The following AP3B1 variants were observed in gnomAD, a reference collection of about 807,000 sequenced individuals.
The protein encoded by AP3B1 is AP-3 complex subunit beta-1.
Under a neutral mutation model 132.5 loss-of-function variants are expected in AP3B1, and 61 were observed. That is an observed-to-expected ratio of 0.46 (90% CI 0.37 to 0.57). The LOEUF is 0.57. Ranked by LOEUF, AP3B1 falls within the 20% of genes least tolerant of loss-of-function variation. The probability of loss-of-function intolerance (pLI) is 0.00; values close to 1 mark genes in which losing one functional copy is unlikely to be tolerated. For synonymous variants in AP3B1, 388 were observed against 438.3 expected (o/e 0.89, Z 1.43); for missense variants, 1,120 against 1,289.4 (o/e 0.87, Z 2.01).
chr5:78,121,039 T>C (rs1344064950), intron 17 of AP3B1, among the ~76,000 whole-genome samples: 2 of 151,976 alleles, frequency 1.3e-5, no homozygotes, highest in African/African-American at 4.8e-5. Context: ...ATTAAGAAAC[T>C]CACTCAAAAC....
At chr5:78,133,755 A>G (rs1416417147) in intron 15 of AP3B1, among the ~76,000 whole-genome samples, 1 of 152,178 alleles carries the variant, frequency 6.6e-6, no homozygotes. Flanking sequence ...AATATTCAAT[A>G]TCATATATAC....
rs112620648 is a variant in AP3B1, at chr5:78,290,315, G to A, written c.128+4137C>T. Among the ~76,000 whole-genome samples the A allele has an allele frequency of 4.5e-3, 687 of 152,196 alleles. 3 individuals carry two copies. The highest frequency in any genetic ancestry group is 0.02 in the Middle Eastern group (6 of 294). ...TTGCCCAGGCTGGTCTGGAACTCCT[G>A]GGTTCAAGCAATCCTCCTGCCTGGG... On this transcript the variant is annotated intron_variant, in intron 1 of 26. Coordinates refer to ENST00000255194, the MANE Select transcript of AP3B1 (RefSeq NM_003664.5).
At chr5:78,032,777 A>T (rs1178815588) in intron 24 of AP3B1, among the ~76,000 whole-genome samples, 1 of 152,062 alleles carries the variant, frequency 6.6e-6, no homozygotes, top group East Asian at 1.9e-4. Context: ...AAACATACTA[A>T]TGTAAATGCT....
chr5:78,179,296 G>A (rs962440534), intron 8 of AP3B1, among the ~76,000 whole-genome samples: 2 of 152,102 alleles, frequency 1.3e-5, no homozygotes, highest in Non-Finnish European at 2.9e-5. Context: ...AATCCTACTG[G>A]CAAGAAAGCA....
chr5:78,100,801 C>A, intron 21 of AP3B1, 152 bp downstream of exon 21: 2 of 542,936 alleles, frequency 3.7e-6, no homozygotes, highest in African/African-American at 1.9e-5. Flanking sequence ...GAAACAAATA[C>A]CACTGATTTC....
intron 5 of AP3B1, 90 bp downstream of exon 5, chr5:78,227,282 C>A: frequency 7.8e-7 from 1 of 1,287,428 alleles, no homozygotes; most frequent in South Asian, 1.2e-5. Flanking sequence ...GAGCAGCCTA[C>A]CTAAAAGAGC....
chr5:78,122,539 T>C (rs935990299), intron 17 of AP3B1, among the ~76,000 whole-genome samples: 18 of 152,250 alleles, frequency 1.2e-4, no homozygotes, highest in African/African-American at 3.6e-4. Context: ...ACAAGCATTC[T>C]TATACACCAA....
At chr5:78,030,739 C>T (rs557487684) in intron 24 of AP3B1, among the ~76,000 whole-genome samples, 101 of 152,238 alleles carry the variant, frequency 6.6e-4, no homozygotes, top group Non-Finnish European at 1.1e-3. Flanking sequence ...TGTAGTGGTG[C>T]AATCATAGCT....
At chr5:78,014,536 T>A (rs1163389996) in intron 26 of AP3B1, among the ~76,000 whole-genome samples, 2 of 152,208 alleles carry the variant, frequency 1.3e-5, no homozygotes, top group East Asian at 3.8e-4. Context: ...ATATGGGGCC[T>A]CTCTTGCTCC....
chr5:78,089,127 G>T, intron 22 of AP3B1: 1 of 383,398 alleles, frequency 2.6e-6, no homozygotes, highest in South Asian at 2.4e-5. Context: ...ATGTGGTGAA[G>T]AACCTTTGTA....
intron 1 of AP3B1, among the ~76,000 whole-genome samples, chr5:78,270,501 G>A (rs183906441): frequency 3.3e-4 from 50 of 152,226 alleles, no homozygotes; most frequent in Admixed American, 2.6e-3. Flanking sequence ...AATATTCAAC[G>A]AAGGGAAGGC....
rs146624866 is a variant in AP3B1 at position 78,039,267 on chromosome 5, G to A, written c.2585C>T (p.Thr862Ile). 9.2e-4 allele frequency: 1,481 copies of A among 1,613,454 alleles called. 12 individuals are homozygous for A. The African/African-American group carries it at 0.016, about 17-fold the overall frequency. Reference sequence around the variant, plus strand: ...AGTTTTCGTTGGTACAAATGCAGGAGTACTGACCTATTACACACGGCAAAA... The same window carrying A: ...AGTTTTCGTTGGTACAAATGCAGGAATACTGACCTATTACACACGGCAAAA... ...STSSSVISVS[T>I]PAFVPTKTHV... The change falls in exon 23 of 27, where the codon ACT (threonine) becomes ATT (isoleucine). Residue 862 changes from threonine (T) to isoleucine (I), a missense_variant. Transcript: ENST00000255194.
intron 1 of AP3B1, among the ~76,000 whole-genome samples, chr5:78,285,792 T>A (rs1255556131): frequency 2.0e-5 from 3 of 152,172 alleles, no homozygotes; most frequent in African/African-American, 7.2e-5. Context: ...ACATATCACA[T>A]CCAAACTATC....
intron 1 of AP3B1, among the ~76,000 whole-genome samples, chr5:78,277,941 G>C (rs1748854109): frequency 6.6e-6 from 1 of 150,944 alleles, no homozygotes; most frequent in Non-Finnish European, 1.5e-5. Context: ...TATTTGCCAT[G>C]ATCTTTATCA....
intron 13 of AP3B1, among the ~76,000 whole-genome samples, chr5:78,159,166 T>C (rs947387873): frequency 3.7e-4 from 57 of 152,214 alleles, no homozygotes; most frequent in African/African-American, 1.3e-3. Flanking sequence ...AAAGAATGCA[T>C]AGTATAACAA....
rs1292281210 is a variant in AP3B1 at position 78,227,514 on chromosome 5, G to A, written c.394C>T (p.Arg132Cys). Residue 132 changes from arginine (R) to cysteine (C), a missense_variant, in exon 5 of 27, where the codon CGT becomes TGT. By Grantham distance (180) the Arg-to-Cys change is radical (BLOSUM62 -3). This residue lies in a region of AP3B1 where 129 missense variants were observed against 212.4 expected (regional missense o/e 0.61). Coordinates refer to ENST00000255194, the MANE Select transcript of AP3B1 (RefSeq NM_003664.5). Reference protein sequence around the residue: ...RALKDPNQLIRASALRVLSSI... With the variant: ...RALKDPNQLICASALRVLSSI... ...GACAGAACTCTCAAAGCGCTTGCAC[G>A]AATTAGTTGGTTTGGGTCCTAAAAA... is the stretch of plus-strand genomic sequence containing the variant. 5.0e-6 allele frequency: 8 copies of A among 1,613,606 alleles called. No individual in the cohort carries two copies. The highest frequency in any genetic ancestry group is 1.1e-5 in the South Asian group (1 of 91,038).
intron 17 of AP3B1, among the ~76,000 whole-genome samples, chr5:78,122,720 T>C (rs1054439867): frequency 6.6e-6 from 1 of 152,164 alleles, no homozygotes; most frequent in Non-Finnish European, 1.5e-5. Context: ...TGGAGGAACA[T>C]TCCATGCTCA....
intron 22 of AP3B1, among the ~76,000 whole-genome samples, chr5:78,071,634 G>A (rs1241434462): frequency 6.6e-6 from 1 of 152,128 alleles, no homozygotes; most frequent in African/African-American, 2.4e-5. Flanking sequence ...GTGTTAATGG[G>A]TTCTATACTG....
chr5:78,137,556 A>T (rs560238131), intron 15 of AP3B1, among the ~76,000 whole-genome samples: 1 of 152,286 alleles, frequency 6.6e-6, no homozygotes, highest in Admixed American at 6.5e-5. Flanking sequence ...CCTCAGGATA[A>T]AAGCCATAAA....
Sources: allele counts gnomAD v4.1 joint callset (sites outside exome capture counted in the v4.1 genomes callset), GRCh38; gene constraint gnomAD v4.1.1; regional missense constraint gnomAD v4.1.1; transcripts MANE v1.5; gene names NCBI Gene and HGNC (gene_info 2026-07-23, HGNC 2026-07-21).